The following XRCC4 variants were observed in gnomAD, a reference collection of about 807,000 sequenced individuals.
XRCC4 encodes X-ray repair cross complementing 4, also known as DNA repair protein XRCC4.
In XRCC4, 28 loss-of-function variants were observed where a neutral mutation model predicts 39.1. That is an observed-to-expected ratio of 0.72 (90% CI 0.53 to 0.98). The LOEUF (loss-of-function observed/expected upper bound fraction) is 0.98. Ranked by LOEUF, XRCC4 falls within the 50% of genes least tolerant of loss-of-function variation. XRCC4 has a pLI of 0.00. For missense variants in XRCC4, 350 were observed against 376.4 expected, an observed-to-expected ratio of 0.93 and a Z score of 0.58; for synonymous variants, 123 against 126.4, an observed-to-expected ratio of 0.97 and a Z score of 0.18.
chr5:83,188,060 TTGAG>T (rs763917512), intron 3 of XRCC4, among the ~76,000 whole-genome samples: 4 of 152,200 alleles, frequency 2.6e-5, no homozygotes, highest in Non-Finnish European at 4.4e-5. Flanking sequence ...TTATGTATTA[TTGAG>T]TAACACATTA....
chr5:83,166,209 C>A (rs959982451), intron 3 of XRCC4, among the ~76,000 whole-genome samples: 16 of 152,046 alleles, frequency 1.1e-4, no homozygotes, highest in African/African-American at 3.9e-4. Flanking sequence ...TCCATTATAT[C>A]ATTGATGGGC....
intron 3 of XRCC4, among the ~76,000 whole-genome samples, chr5:83,127,568 T>A (rs949745822): frequency 5.9e-5 from 9 of 152,052 alleles, no homozygotes; most frequent in African/African-American, 1.9e-4. Context: ...TGTTTTTTTT[T>A]AAATAAATTA....
intron 3 of XRCC4, among the ~76,000 whole-genome samples, chr5:83,138,069 C>G (rs1747985328): frequency 6.6e-6 from 1 of 152,074 alleles, no homozygotes; most frequent in Non-Finnish European, 1.5e-5. Context: ...ATTAATAATG[C>G]TAACTCACAG....
chr5:83,101,048 T>A (rs1381009450), intron 1 of XRCC4, among the ~76,000 whole-genome samples: 1 of 152,098 alleles, frequency 6.6e-6, no homozygotes, highest in Non-Finnish European at 1.5e-5. Flanking sequence ...TAAATATATT[T>A]AAAAATTTTA....
intron 3 of XRCC4, among the ~76,000 whole-genome samples, chr5:83,162,234 A>G (rs1010005953): frequency 3.9e-5 from 6 of 152,202 alleles, no homozygotes; most frequent in African/African-American, 1.4e-4. Context: ...TTGAGTAGCT[A>G]TTGAAGTCAA....
intron 7 of XRCC4, chr5:83,310,779 T>G (rs902340199): frequency 8.8e-6 from 4 of 456,552 alleles, no homozygotes; most frequent in African/African-American, 8.0e-5. Flanking sequence ...ATTATAACTT[T>G]CCTTATTAGA....
At chr5:83,215,968 C>T (rs968133872) in intron 6 of XRCC4, among the ~76,000 whole-genome samples, 3 of 151,550 alleles carry the variant, frequency 2.0e-5, no homozygotes, top group Non-Finnish European at 2.9e-5. Flanking sequence ...AATTGGATTT[C>T]GTCAAAATAA....
intron 3 of XRCC4, among the ~76,000 whole-genome samples, chr5:83,148,710 A>G (rs965917776): frequency 2.0e-5 from 3 of 152,136 alleles, no homozygotes; most frequent in Non-Finnish European, 4.4e-5. Flanking sequence ...AATTTATGTT[A>G]TGCATTGTAT....
chr5:83,239,600 C>T (rs1028803047), intron 6 of XRCC4, among the ~76,000 whole-genome samples: 6 of 151,386 alleles, frequency 4.0e-5, no homozygotes, highest in Admixed American at 2.0e-4. Context: ...GAGGCCGAGG[C>T]GGGTGGATCA....
At chr5:83,133,520 GC>G (rs1747714776) in intron 3 of XRCC4, among the ~76,000 whole-genome samples, 1 of 152,224 alleles carries the variant, frequency 6.6e-6, no homozygotes. Flanking sequence ...GCCTCCTTGA[GC>G]TGCGTTGGGC....
intron 7 of XRCC4, among the ~76,000 whole-genome samples, chr5:83,306,907 G>C (rs1248700491): frequency 2.0e-5 from 3 of 152,190 alleles, no homozygotes; most frequent in Non-Finnish European, 4.4e-5. Context: ...GGGGGGAACA[G>C]AGGAAGGGAA....
intron 1 of XRCC4, among the ~76,000 whole-genome samples, chr5:83,093,926 A>G (rs74479654): frequency 0.015 from 2,297 of 152,104 alleles, 54 homozygotes; most frequent in African/African-American, 0.051. Flanking sequence ...CAGTTTGAAT[A>G]TATCAGCCCA....
At chr5:83,140,750 AC>A (rs1357663389) in intron 3 of XRCC4, among the ~76,000 whole-genome samples, 3 of 151,772 alleles carry the variant, frequency 2.0e-5, no homozygotes, top group Non-Finnish European at 4.4e-5. Flanking sequence ...ATTCTTTCCC[AC>A]CCCTTTCTGT....
intron 7 of XRCC4, among the ~76,000 whole-genome samples, chr5:83,309,061 T>G (rs936036858): frequency 2.7e-5 from 4 of 147,974 alleles, no homozygotes; most frequent in African/African-American, 1.0e-4. Flanking sequence ...GGGTGGATCA[T>G]GAGGTCAGGA....
chr5:83,079,339 GT>G (rs975783480), intron 1 of XRCC4, among the ~76,000 whole-genome samples: 8 of 151,852 alleles, frequency 5.3e-5, no homozygotes, highest in African/African-American at 7.3e-5. Context: ...GACGTGGTGA[GT>G]TTTTTTTGGG....
rs1353107420 is a variant in XRCC4, at chr5:83,226,403, T to TA, written c.745+21482_745+21483insA. Among the ~76,000 whole-genome samples, 3 of 152,212 alleles carry TA rather than the reference T, an allele frequency of 2.0e-5. No homozygotes were observed. In the East Asian group the frequency reaches 5.8e-4, roughly 29 times the overall value. The stretch of plus-strand genomic sequence containing the variant: ...GAAAGAGAGCATCATACGTTTCTTT[T>TA]TAAGTCCTTTTTCTATACTGGCCCA... On this transcript the variant is annotated intron_variant, in intron 6 of 7. Coordinates refer to ENST00000396027, the MANE Select transcript of XRCC4 (RefSeq NM_003401.5).
intron 3 of XRCC4, among the ~76,000 whole-genome samples, chr5:83,185,030 A>G (rs1750373338): frequency 6.6e-6 from 1 of 152,132 alleles, no homozygotes; most frequent in Non-Finnish European, 1.5e-5. Context: ...ATTCTAACGT[A>G]GAGATTTCTA....
chr5:83,235,611 C>T (rs955265627), intron 6 of XRCC4, among the ~76,000 whole-genome samples: 24 of 151,998 alleles, frequency 1.6e-4, no homozygotes, highest in African/African-American at 5.8e-4. Context: ...TGGTATCATA[C>T]TGAACGGGAA....
intron 7 of XRCC4, among the ~76,000 whole-genome samples, chr5:83,264,888 A>G (rs1317412636): frequency 6.6e-6 from 1 of 152,188 alleles, no homozygotes; most frequent in African/African-American, 2.4e-5. Flanking sequence ...TATTACACAT[A>G]CATGTATGTA....
Sources: allele counts gnomAD v4.1 joint callset (sites outside exome capture counted in the v4.1 genomes callset), GRCh38; gene constraint gnomAD v4.1.1; transcripts MANE v1.5; gene names NCBI Gene and HGNC (gene_info 2026-07-23, HGNC 2026-07-21).